The following DDX5 variants were observed in gnomAD, a reference collection of about 807,000 sequenced individuals.
DDX5 encodes probable ATP-dependent RNA helicase DDX5.
Under a neutral mutation model 68.6 loss-of-function variants are expected in DDX5, and 6 were observed. The ratio of observed to expected loss-of-function variants is 0.09; its 90% CI spans 0.05 to 0.17. The LOEUF is 0.17. DDX5 is among the 10% of genes least tolerant of loss of function. DDX5 has a pLI of 1.00. For missense variants in DDX5, 499 were observed against 756.1 expected, an observed-to-expected ratio of 0.66 and a Z score of 3.99; for synonymous variants, 350 against 247.0, an observed-to-expected ratio of 1.42 and a Z score of -3.91.
intron 1 of DDX5, chr17:64,505,758 C>A (rs2038471505): frequency 1.3e-6 from 2 of 1,535,982 alleles, no homozygotes; most frequent in South Asian, 2.4e-5. Context: ...AACAGATGTT[C>A]CTTCGTCTGC....
intron 8 of DDX5, 168 bp from the exon 9 acceptor site, chr17:64,502,717 A>T (rs1424611115): frequency 2.8e-6 from 2 of 714,860 alleles, no homozygotes; most frequent in Non-Finnish European, 4.5e-6. Context: ...TCCTTAAGTC[A>T]ACCAGGGGAC....
Position 64,502,159 on chromosome 17 carries a change from T to C in DDX5, c.1156+3A>G. ...GGAAAAATACTTCATTTGAAATATT[T>C]ACCATTTAGAACCCAGTCACGCTCT... On this transcript the variant is annotated splice_donor_region_variant and intron_variant, in intron 10 of 12. Coordinates refer to ENST00000225792, the MANE Select transcript of DDX5 (RefSeq NM_004396.5). 6.2e-7 allele frequency: 1 copy of C among 1,614,148 alleles called. No homozygotes were observed. The highest frequency in any genetic ancestry group is 8.5e-7 in the Non-Finnish European group (1 of 1,180,020).
At position 64,499,524 on chromosome 17, in the gene DDX5, GA is replaced by G. The variant is rs1393396943; in HGVS notation, c.*398del. ...AAAGGAACAGTCATTTGTTTTCATG[GA>G]AAAAAAAAACCAAACAAAAACAAAA... is the stretch of plus-strand genomic sequence containing the variant. On this transcript the variant is annotated 3_prime_UTR_variant, in exon 13 of 13. Transcript: ENST00000225792. 81 of 176,768 alleles carry G rather than the reference GA, an allele frequency of 4.6e-4. No individual in the cohort carries two copies. The highest frequency in any genetic ancestry group is 3.2e-3 in the Middle Eastern group (2 of 620). 10.9% of individuals were successfully genotyped at this position (176,768 alleles called of 1,614,324 possible).
intron 9 of DDX5, 107 bp downstream of exon 9, chr17:64,502,332 G>A: frequency 1.4e-6 from 2 of 1,478,864 alleles, no homozygotes; most frequent in Non-Finnish European, 1.9e-6. Context: ...AAATGAAAAA[G>A]TTAAATTCAC....
chr17:64,502,089 C>G lies in DDX5; in HGVS notation c.1157-20G>C, dbSNP rs782497146. The stretch of plus-strand genomic sequence containing the variant: ...TGAATTCTACAAAGGAAGGCATATA[C>G]ATGATCAATTATCTGAGCAGAATTC... On this transcript the variant is annotated intron_variant, in intron 10 of 12. Coordinates refer to ENST00000225792, the MANE Select transcript of DDX5 (RefSeq NM_004396.5). The G allele has an allele frequency of 6.2e-6, 10 of 1,613,888 alleles. No homozygotes were observed. Among genetic ancestry groups the G allele is most frequent in the Non-Finnish European group, 8.5e-6 (10 of 1,179,900 alleles).
rs377485680 is a variant in DDX5 at position 64,499,900 on chromosome 17, C to G, written c.*23G>C. ...ATAAAGAGCAATTATGAAAAACAGA[C>G]ATTTACATATACTTCTAAAGTCTTA... On this transcript the variant is annotated 3_prime_UTR_variant, in exon 13 of 13. Transcript: ENST00000225792. The G allele has an allele frequency of 9.1e-6, 14 of 1,535,674 alleles. No homozygotes were observed. The highest frequency in any genetic ancestry group is 9.6e-6 in the Non-Finnish European group (11 of 1,141,408).
chr17:64,502,417 C>T lies in DDX5; in HGVS notation c.1094+22G>A, dbSNP rs782245917. The T allele has an allele frequency of 1.4e-4, 226 of 1,564,678 alleles. 1 individual carries two copies. Among genetic ancestry groups the T allele is most frequent in the South Asian group, 1.4e-3 (128 of 90,010 alleles). ...CTAAGCTGTTTTAATCAATCTGCTTCAATGGAGGAGCTCACACATACCCAT... is the reference window on the plus strand; with the variant it reads ...CTAAGCTGTTTTAATCAATCTGCTTTAATGGAGGAGCTCACACATACCCAT... On this transcript the variant is annotated intron_variant, in intron 9 of 12. Coordinates refer to ENST00000225792, the MANE Select transcript of DDX5 (RefSeq NM_004396.5).
intron 4 of DDX5, 36 bp downstream of exon 4, chr17:64,503,947 T>A (rs781815210): frequency 1.2e-6 from 2 of 1,614,050 alleles, no homozygotes; most frequent in Non-Finnish European, 1.7e-6. Flanking sequence ...TTTTCTTGCA[T>A]ATATCAGATC....
In DDX5 at chr17:64,500,399, T is replaced by A. The variant is rs552957396; in HGVS notation, c.1442-73A>T. The A allele has an allele frequency of 3.9e-6, 6 of 1,548,712 alleles. No homozygotes were observed. The Admixed American group carries it at 1.1e-4, about 30-fold the overall frequency. On this transcript the variant is annotated intron_variant, in intron 12 of 12. Coordinates refer to ENST00000225792, the MANE Select transcript of DDX5 (RefSeq NM_004396.5). ...ATCATTGTGGACAGAAAGAAACAGA[T>A]CTATTCATGGTAGGCGTGAAATGTT...
Position 64,503,564 on chromosome 17 carries a change from A to C in DDX5, c.515T>G (p.Val172Gly). 6.2e-7 allele frequency: 1 copy of C among 1,613,776 alleles called. No homozygotes were observed. The highest frequency in any genetic ancestry group is 8.5e-7 in the Non-Finnish European group (1 of 1,179,888). The part of the protein sequence containing the change: ...LERGDGPICL[V>G]LAPTRELAQQ... ...GGCCAGTTCCCGAGTTGGTGCCAGC[A>C]CCAAACACTAAGGAAAGAGAAACAG... Residue 172 changes from valine to glycine, a missense_variant, in exon 6 of 13, where the codon GTG becomes GGG. Coordinates refer to ENST00000225792, the MANE Select transcript of DDX5 (RefSeq NM_004396.5).
At chr17:64,505,504 C>G (rs1160516039) in intron 1 of DDX5, 5 of 596,002 alleles carry the variant, frequency 8.4e-6, no homozygotes, top group African/African-American at 5.6e-5. Context: ...GGCGCTTCCC[C>G]CTTTGTCTCG....
At chr17:64,505,145 C>T (rs1296079805) in intron 1 of DDX5, 3 of 320,712 alleles carry the variant, frequency 9.4e-6, no homozygotes, top group East Asian at 5.6e-5. Flanking sequence ...TGGCACACAC[C>T]ACTTCTTGTG....
Position 64,500,014 on chromosome 17 carries a change from T to A in DDX5, c.1754A>T (p.His585Leu). Residue 585 changes from histidine to leucine, a missense_variant, in exon 13 of 13, where the codon CAC becomes CTC. His to Leu is a moderately conservative substitution (Grantham distance 99). This residue lies in a region of DDX5 where 171 missense variants were observed against 174.8 expected (regional missense o/e 0.98). Coordinates refer to ENST00000225792, the MANE Select transcript of DDX5 (RefSeq NM_004396.5). ...QQYGSNVPNM[H>L]NGMNQQAYAY... ...ATATGCCTGTTGGTTCATACCATTG[T>A]GCATATTTGGAACATTACTTCCGTA... 1 of 1,614,230 alleles carries A rather than the reference T, an allele frequency of 6.2e-7. No individual in the cohort carries two copies. Among genetic ancestry groups the A allele is most frequent in the Admixed American group, 1.7e-5 (1 of 60,026 alleles).
At position 64,506,259 on chromosome 17, in the gene DDX5, A is replaced by C. The variant is rs2038515483; in HGVS notation, c.-140T>G. The C allele has an allele frequency of 1.6e-5, 25 of 1,542,496 alleles. No homozygotes were observed. The highest frequency in any genetic ancestry group is 9.8e-5 in the Admixed American group (5 of 50,878). Reference sequence around the variant, plus strand: ...CACCGATGACACCAGCCGAAGCTGCACTACTAGAGACCGGTAGAAATGAAT... The same window carrying C: ...CACCGATGACACCAGCCGAAGCTGCCCTACTAGAGACCGGTAGAAATGAAT... On this transcript the variant is annotated 5_prime_UTR_variant, in exon 1 of 13. Transcript: ENST00000225792.
chr17:64,505,890 A>G (rs2038483490), intron 1 of DDX5, 186 bp downstream of exon 1: 2 of 1,535,704 alleles, frequency 1.3e-6, no homozygotes, highest in Non-Finnish European at 1.7e-6. Flanking sequence ...TGAAGACACT[A>G]CACCGTCAAA....
intron 2 of DDX5, 79 bp downstream of exon 2, chr17:64,504,598 G>C (rs2144269128): frequency 2.0e-6 from 3 of 1,481,194 alleles, no homozygotes; most frequent in Non-Finnish European, 2.7e-6. Context: ...TGAGTTATTT[G>C]CAAAACACCT....
intron 6 of DDX5, 22 bp downstream of exon 6, chr17:64,503,404 CAAAT>C (rs782162907): frequency 4.8e-5 from 77 of 1,613,824 alleles, no homozygotes; most frequent in Middle Eastern, 3.3e-4. Context: ...GCACCAATGA[CAAAT>C]AAAACCCTTT....
Position 64,506,145 on chromosome 17 carries a change from G to A in DDX5, c.-26C>T, listed in dbSNP as rs368011338. ...GGCGTCAATGGTTGCGGTTGGCGGG[G>A]AACGAAGTATATAGAAAAGCGTGCG... On this transcript the variant is annotated 5_prime_UTR_variant, in exon 1 of 13. Coordinates refer to ENST00000225792, the MANE Select transcript of DDX5 (RefSeq NM_004396.5). 6.8e-6 allele frequency: 11 copies of A among 1,608,628 alleles called. No homozygotes were observed. The highest frequency in any genetic ancestry group is 2.7e-5 in the African/African-American group (2 of 74,864).
At chr17:64,506,020 A>AGGGGCCCCCC in intron 1 of DDX5, 56 bp downstream of exon 1, 3 of 868,070 alleles carry the variant, frequency 3.5e-6, no homozygotes, top group Non-Finnish European at 5.1e-6. Flanking sequence ...CGCCACCCTG[A>AGGGGCCCCCC]CCCGCCCTCC....
Sources: gnomAD v4.1 joint callset for allele counts on GRCh38, gnomAD v4.1.1 for gene constraint, gnomAD v4.1.1 regional missense constraint, MANE v1.5 for transcripts, NCBI Gene and HGNC (gene_info 2026-07-23, HGNC 2026-07-21) for gene names.